The following RELN variants were observed in gnomAD, a reference collection of about 807,000 sequenced individuals.
The protein encoded by RELN is reelin.
Under a neutral mutation model 427.6 loss-of-function variants are expected in RELN, and 108 were observed. That is an observed-to-expected ratio of 0.25 (90% confidence interval 0.22 to 0.30). The LOEUF is 0.30. Among genes scored for constraint, RELN ranks in the 10% least tolerant of loss-of-function variants. The pLI, the probability that RELN is intolerant of heterozygous loss-of-function variation, is 1.00. For synonymous variants in RELN, 1,524 were observed against 1,513.4 expected (o/e 1.01, Z -0.16); for missense variants, 3,715 against 4,302.8 (o/e 0.86, Z 3.82).
At position 103,728,119 on chromosome 7, in the gene RELN, G is replaced by T; in HGVS notation, c.745C>A (p.Arg249=). 6.2e-7 allele frequency: 1 copy of T among 1,613,628 alleles called. No individual in the cohort carries two copies. The highest frequency in any genetic ancestry group is 2.2e-5 in the East Asian group (1 of 44,870). ...GAATAGCACATACTTACCAGTTCTC[G>T]TGGGCCATATGGTTCACAGAAGGTG... ...AVTFCEPYGP[R]ELITTGLNTT... is the part of the protein sequence containing the mutation. The change falls in exon 7 of 65, where the codon CGA becomes AGA. Residue 249 remains arginine (R), a synonymous_variant. Transcript: ENST00000428762.
chr7:103,846,465 A>T lies in RELN; in HGVS notation c.338-12793T>A, dbSNP rs147543561. Reference sequence around the variant, plus strand: ...AAACTTAAATGTAAGACCTAAAACCATAAAAATCCTAGAAGAAAACTTTGG... The same window carrying T: ...AAACTTAAATGTAAGACCTAAAACCTTAAAAATCCTAGAAGAAAACTTTGG... On this transcript the variant is annotated intron_variant, in intron 2 of 64. Transcript: ENST00000428762. Among the ~76,000 whole-genome samples the T allele has an allele frequency of 6.8e-3, 1,033 of 152,340 alleles. 13 individuals carry two copies. Among genetic ancestry groups the T allele is most frequent in the African/African-American group, 0.023 (950 of 41,576 alleles).
chr7:103,905,997 C>T (rs1237199744), intron 2 of RELN, among the ~76,000 whole-genome samples: 2 of 152,036 alleles, frequency 1.3e-5, no homozygotes, highest in Non-Finnish European at 2.9e-5. Context: ...GGGACACAAA[C>T]AAGGGCAGTA....
At chr7:103,624,875 A>G (rs192378270) in intron 20 of RELN, among the ~76,000 whole-genome samples, 1 of 152,320 alleles carries the variant, frequency 6.6e-6, no homozygotes, top group African/African-American at 2.4e-5. Context: ...TTAAAAAAAA[A>G]GCTTTAATTA....
chr7:103,636,617 G>T, intron 17 of RELN, 149 bp from the exon 18 acceptor site: 1 of 701,566 alleles, frequency 1.4e-6, no homozygotes, highest in Non-Finnish European at 2.6e-6. Flanking sequence ...TGAATCTAAA[G>T]ACTTGATAAG....
intron 47 of RELN, among the ~76,000 whole-genome samples, chr7:103,522,706 G>T (rs572746410): frequency 7.9e-5 from 12 of 152,298 alleles, no homozygotes; most frequent in African/African-American, 2.6e-4. Flanking sequence ...GGACTGGGAA[G>T]CTCAGGGATC....
chr7:103,982,134 C>A (rs1797003169), intron 1 of RELN, among the ~76,000 whole-genome samples: 2 of 152,012 alleles, frequency 1.3e-5, no homozygotes. Context: ...TCACTGCACT[C>A]CAGCCTGGGC....
At chr7:103,574,339 A>T in intron 29 of RELN, 40 bp from the exon 30 acceptor site, 1 of 1,561,310 alleles carries the variant, frequency 6.4e-7, no homozygotes, top group Middle Eastern at 1.9e-4. Context: ...GCTTTGTTGG[A>T]ATCATTCAAA....
chr7:103,525,018 G>A (rs967839982), intron 46 of RELN, among the ~76,000 whole-genome samples: 5 of 152,038 alleles, frequency 3.3e-5, no homozygotes, highest in Non-Finnish European at 5.9e-5. Flanking sequence ...ATGGTCACTC[G>A]CCTCTGGAGC....
At chr7:103,680,596 T>A (rs1833631062) in intron 11 of RELN, among the ~76,000 whole-genome samples, 1 of 151,942 alleles carries the variant, frequency 6.6e-6, no homozygotes, top group Non-Finnish European at 1.5e-5. Context: ...TTCTGTGCAT[T>A]GTCAAAGCTC....
Position 103,511,054 on chromosome 7 carries a change from T to C in RELN, c.8120-49A>G, listed in dbSNP as rs190928408. Reference sequence around the variant, plus strand: ...TATGACAAATTTGTGACAAAAATACTTGAAGCAAATTTTCACTTTAAGCAA... The same window carrying C: ...TATGACAAATTTGTGACAAAAATACCTGAAGCAAATTTTCACTTTAAGCAA... On this transcript the variant is annotated intron_variant, in intron 50 of 64. Transcript: ENST00000428762. 439 of 1,416,572 alleles carry C rather than the reference T, an allele frequency of 3.1e-4. 1 individual carries two copies. The African/African-American group carries it at 5.5e-3, about 18-fold the overall frequency. The allele number at this position is 1,416,572 out of a possible 1,614,324, so 87.8% of individuals were successfully genotyped here. A position where few individuals can be genotyped will look rare whatever the true frequency, so the allele number is the denominator to read the frequency against.
intron 3 of RELN, among the ~76,000 whole-genome samples, chr7:103,826,524 T>C (rs1793145637): frequency 6.6e-6 from 1 of 152,106 alleles, no homozygotes; most frequent in Non-Finnish European, 1.5e-5. Context: ...CTGCTGCTTG[T>C]ATCCAAATAA....
rs1370433708 is a variant in RELN, at chr7:103,545,332, G to A, written c.6315C>T (p.Phe2105=). Residue 2105 remains phenylalanine (F), a synonymous_variant, in exon 42 of 65, where the codon TTC becomes TTT. Coordinates refer to ENST00000428762, the MANE Select transcript of RELN (RefSeq NM_005045.4). ...CAGGGTAAAATCCCTGGTACCATCT[G>A]AAACGGACAGATCTGGAAAAGAGGA... ...GKLHLCGSVR[F]RWYQGFYPAG... 6.2e-7 allele frequency: 1 copy of A among 1,612,296 alleles called. No homozygotes were observed. Among genetic ancestry groups the A allele is most frequent in the Non-Finnish European group, 8.5e-7 (1 of 1,178,352 alleles).
intron 5 of RELN, among the ~76,000 whole-genome samples, chr7:103,749,981 GT>G (rs58017725): frequency 1.3e-5 from 2 of 151,284 alleles, no homozygotes; most frequent in South Asian, 2.1e-4. Flanking sequence ...AGATTTGATG[GT>G]TTTTTTTTAT....
chr7:103,979,830 G>C (rs901719840), intron 1 of RELN, among the ~76,000 whole-genome samples: 2 of 152,146 alleles, frequency 1.3e-5, no homozygotes, highest in African/African-American at 4.8e-5. Context: ...TCCTATATAA[G>C]TTCTATTAGT....
At position 103,567,087 on chromosome 7, in the gene RELN, A is replaced by G. The variant is rs3815436; in HGVS notation, c.4589-328T>C. On this transcript the variant is annotated intron_variant, in intron 31 of 64. Transcript: ENST00000428762. The stretch of plus-strand genomic sequence containing the variant: ...TTTTAGATTCTGTTCTGAACATTAC[A>G]AAGTCTCATATCATTATTATATATT... Among the ~76,000 whole-genome samples the G allele has an allele frequency of 0.012, 1,772 of 152,316 alleles. 68 individuals carry two copies. The East Asian group carries it at 0.14, about 12-fold the overall frequency.
intron 6 of RELN, among the ~76,000 whole-genome samples, chr7:103,733,338 G>A (rs985363686): frequency 4.0e-5 from 6 of 149,096 alleles, no homozygotes; most frequent in South Asian, 2.2e-4. Flanking sequence ...TTACACTGTA[G>A]GTGGGACTGT....
chr7:103,523,329 A>C (rs1012468898), intron 47 of RELN, 62 bp downstream of exon 47: 33 of 1,600,958 alleles, frequency 2.1e-5, no homozygotes, highest in Non-Finnish European at 2.8e-5. Flanking sequence ...GTTACAGAAA[A>C]ATCTCCTAGA....
chr7:103,749,378 A>G, intron 6 of RELN, 48 bp downstream of exon 6: 1 of 1,402,374 alleles, frequency 7.1e-7, no homozygotes, highest in Non-Finnish European at 1.0e-6. Context: ...AGTCAGCATC[A>G]TTTGTTACAT....
intron 1 of RELN, among the ~76,000 whole-genome samples, chr7:103,920,402 T>C (rs1473975371): frequency 1.3e-5 from 2 of 152,122 alleles, no homozygotes; most frequent in Non-Finnish European, 2.9e-5. Context: ...AGCAAATCCT[T>C]CATGCCCTTT....
Sources: allele counts gnomAD v4.1 joint callset (sites outside exome capture counted in the v4.1 genomes callset), GRCh38; gene constraint gnomAD v4.1.1; transcripts MANE v1.5; gene names NCBI Gene and HGNC (gene_info 2026-07-23, HGNC 2026-07-21).